Variants in RAPGEF2 observed in about 807,000 individuals in gnomAD.
The protein encoded by RAPGEF2 is PDZ domain containing guanine nucleotide exchange factor (GEF) 1.
Under a neutral mutation model 186.7 loss-of-function variants are expected in RAPGEF2, and 54 were observed. The observed-to-expected ratio is 0.29, with a 90% confidence interval of 0.23 to 0.36. The LOEUF (loss-of-function observed/expected upper bound fraction) is 0.36. Among genes scored for constraint, RAPGEF2 ranks in the 10% least tolerant of loss-of-function variants. The probability of loss-of-function intolerance (pLI) is 1.00; values close to 1 mark genes in which losing one functional copy is unlikely to be tolerated. For synonymous variants in RAPGEF2, 712 were observed against 705.9 expected (o/e 1.01, Z -0.14); for missense variants, 1,532 against 2,045.0 (o/e 0.75, Z 4.84).
intron 1 of RAPGEF2, among the ~76,000 whole-genome samples, chr4:159,127,826 A>G (rs1030708404): frequency 6.6e-6 from 1 of 152,230 alleles, no homozygotes; most frequent in Non-Finnish European, 1.5e-5. Context: ...TTATTTGAAT[A>G]CAACATTGTT....
intron 11 of RAPGEF2, among the ~76,000 whole-genome samples, chr4:159,323,942 G>T (rs903124212): frequency 6.6e-6 from 1 of 151,198 alleles, no homozygotes; most frequent in South Asian, 2.1e-4. Flanking sequence ...TGTCTCCCAG[G>T]CTGGAGTGCA....
At chr4:159,119,326 T>C (rs1044698844) in intron 1 of RAPGEF2, among the ~76,000 whole-genome samples, 1 of 152,180 alleles carries the variant, frequency 6.6e-6, no homozygotes, top group African/African-American at 2.4e-5. Flanking sequence ...TTAAATCCTT[T>C]TCTTGGTGTT....
intron 7 of RAPGEF2, among the ~76,000 whole-genome samples, chr4:159,260,327 C>T (rs1048526632): frequency 2.0e-5 from 3 of 151,712 alleles, no homozygotes; most frequent in South Asian, 2.1e-4. Flanking sequence ...TATTCTCCCT[C>T]GCACTGCCAA....
At chr4:159,156,714 C>T (rs1282324219) in intron 1 of RAPGEF2, among the ~76,000 whole-genome samples, 2 of 152,094 alleles carry the variant, frequency 1.3e-5, no homozygotes, top group Admixed American at 6.5e-5. Flanking sequence ...TGTTCAATTC[C>T]CACCTATGAG....
chr4:159,225,043 A>G (rs1382719826), intron 4 of RAPGEF2, among the ~76,000 whole-genome samples: 3 of 152,184 alleles, frequency 2.0e-5, no homozygotes, highest in Admixed American at 6.5e-5. Flanking sequence ...GATTTTAGGC[A>G]TGTTTAATTA....
intron 1 of RAPGEF2, among the ~76,000 whole-genome samples, chr4:159,124,151 G>A (rs929002407): frequency 6.6e-6 from 1 of 151,758 alleles, no homozygotes; most frequent in South Asian, 2.1e-4. Context: ...CACTGCACCC[G>A]GCCTTTGTTG....
chr4:159,254,941 T>C (rs1227263873), intron 7 of RAPGEF2, among the ~76,000 whole-genome samples: 1 of 152,182 alleles, frequency 6.6e-6, no homozygotes, highest in Non-Finnish European at 1.5e-5. Context: ...ATAATGACAT[T>C]TTTGTCAGTG....
intron 26 of RAPGEF2, 136 bp from the exon 27 acceptor site, chr4:159,352,549 A>G (rs1195454383): frequency 7.6e-6 from 5 of 654,856 alleles, no homozygotes; most frequent in African/African-American, 1.8e-5. Context: ...TGTGGTCTCT[A>G]CAAGTGAAAT....
At chr4:159,154,505 CTTT>C (rs5863351) in intron 1 of RAPGEF2, among the ~76,000 whole-genome samples, 5 of 136,668 alleles carry the variant, frequency 3.7e-5, no homozygotes, top group African/African-American at 1.4e-4. Flanking sequence ...CTCACATCAC[CTTT>C]TTTTTTTTTT....
In RAPGEF2 at chr4:159,353,543, C is replaced by T; in HGVS notation, c.4148C>T (p.Ser1383Phe). ...RGLYATATVISSPSTEELSQD... is the reference protein window; with the variant it reads ...RGLYATATVIFSPSTEELSQD... ...TTATATGCTACAGCTACAGTAATTT[C>T]TTCTCCAAGCACAGAGGAACTTTCC... Residue 1383 changes from serine (S) to phenylalanine (F), a missense_variant, in exon 28 of 30, where the codon TCT (serine) becomes TTT (phenylalanine). This residue lies in a region of RAPGEF2 where 594 missense variants were observed against 608.5 expected (regional missense o/e 0.98). Transcript: ENST00000691494. This position sits in a 1 kb window ranked among gnomAD's most constrained non-coding sequence, Gnocchi z 4.3. 1.3e-6 allele frequency: 2 copies of T among 1,541,388 alleles called. No individual in the cohort carries two copies. The highest frequency in any genetic ancestry group is 8.7e-7 in the Non-Finnish European group (1 of 1,147,772).
chr4:159,221,699 T>C (rs1270113544), intron 4 of RAPGEF2, among the ~76,000 whole-genome samples: 1 of 152,242 alleles, frequency 6.6e-6, no homozygotes, highest in Non-Finnish European at 1.5e-5. Flanking sequence ...CATTCTACAT[T>C]GGCTTAGCCA....
At chr4:159,309,996 G>GTTTTAATTTAATACAAA (rs59044763) in intron 8 of RAPGEF2, among the ~76,000 whole-genome samples, 13,272 of 151,930 alleles carry the variant, frequency 0.087, 1,928 homozygotes, top group African/African-American at 0.3. Flanking sequence ...TTTAATAAAG[G>GTTTTAATTTAATACAAA]ATCAAAACAT....
chr4:159,225,479 C>T (rs1278251731), intron 4 of RAPGEF2, among the ~76,000 whole-genome samples: 2 of 152,048 alleles, frequency 1.3e-5, no homozygotes, highest in Non-Finnish European at 2.9e-5. Context: ...GTATGCTTTC[C>T]TTAATGTCTT....
chr4:159,334,243 A>AT (rs1767090689), intron 17 of RAPGEF2, among the ~76,000 whole-genome samples: 1 of 152,128 alleles, frequency 6.6e-6, no homozygotes, highest in South Asian at 2.1e-4. Context: ...CTAAATGCAG[A>AT]TTTTTTAAAT....
intron 3 of RAPGEF2, among the ~76,000 whole-genome samples, chr4:159,199,423 C>T (rs1368520811): frequency 6.6e-6 from 1 of 151,706 alleles, no homozygotes; most frequent in Non-Finnish European, 1.5e-5. Context: ...TTCAGGTTTG[C>T]CTTCTCATGC....
At chr4:159,184,562 A>G (rs1378495313) in intron 1 of RAPGEF2, among the ~76,000 whole-genome samples, 1 of 152,134 alleles carries the variant, frequency 6.6e-6, no homozygotes, top group Non-Finnish European at 1.5e-5. Context: ...GTCTGTTCAT[A>G]TCCTTTGCCC....
rs763424019 is a variant in RAPGEF2, at chr4:159,352,783, G to C, written c.3964G>C (p.Asp1322His). ...RSSIVSNSSF[D>H]SVPVSLHDER... ...CAGTATTGTTAGCAATTCGTCTTTT[G>C]ACTCAGTGCCAGTCTCACTGCACGA... Residue 1322 changes from aspartate (D) to histidine (H), a missense_variant, in exon 27 of 30, where the codon GAC (aspartate) becomes CAC (histidine). By Grantham distance (81) the Asp-to-His change is moderately conservative. Transcript: ENST00000691494. 4.3e-6 allele frequency: 7 copies of C among 1,614,136 alleles called. No homozygotes were observed. The South Asian group carries it at 5.5e-5, about 13-fold the overall frequency.
intron 1 of RAPGEF2, among the ~76,000 whole-genome samples, chr4:159,135,525 C>A (rs896173764): frequency 4.6e-5 from 7 of 152,106 alleles, no homozygotes; most frequent in Admixed American, 6.5e-5. Context: ...ACAGTGAAAA[C>A]CTTTCATATA....
At chr4:159,136,970 A>G (rs950011790) in intron 1 of RAPGEF2, among the ~76,000 whole-genome samples, 10 of 152,182 alleles carry the variant, frequency 6.6e-5, no homozygotes, top group Non-Finnish European at 1.3e-4. Flanking sequence ...CTTAATGGCC[A>G]TTGGTTGCTA....
Sources: allele counts gnomAD v4.1 joint callset (sites outside exome capture counted in the v4.1 genomes callset), GRCh38; gene constraint gnomAD v4.1.1; regional missense constraint gnomAD v4.1.1; non-coding constraint Gnocchi (gnomAD v3.1); transcripts MANE v1.5; gene names NCBI Gene and HGNC (gene_info 2026-07-23, HGNC 2026-07-21).